NUDT16L1: variants seen among roughly 807,000 people sequenced by gnomAD.
The protein encoded by NUDT16L1 is nudix hydrolase 16 like 1.
Under a neutral mutation model 17.3 loss-of-function variants are expected in NUDT16L1, and 19 were observed. That is an observed-to-expected ratio of 1.10 (90% CI 0.77 to 1.61). NUDT16L1 has a LOEUF of 1.61. Among genes scored for constraint, NUDT16L1 ranks in the 40% most tolerant of loss-of-function variants. NUDT16L1 has a pLI of 0.00. For synonymous variants in NUDT16L1, 255 were observed against 138.6 expected (o/e 1.84, Z -5.90); for missense variants, 341 against 292.0 (o/e 1.17, Z -1.22).
chr16:4,694,020 T>C, exon 2 of NUDT16L1: 1 of 1,584,642 alleles, frequency 6.3e-7, no homozygotes. Context: ...CCCCGGGGGC[T>C]TCGTGGACCG....
At chr16:4,695,367 C>A in exon 3 of NUDT16L1, 1 of 627,034 alleles carries the variant, frequency 1.6e-6, no homozygotes, top group Non-Finnish European at 2.8e-6. Flanking sequence ...CCAGCCCATC[C>A]TCTCAGGCAG....
At chr16:4,693,998 G>A (rs747120586) in exon 2 of NUDT16L1, 2 of 1,581,286 alleles carry the variant, frequency 1.3e-6, no homozygotes, top group South Asian at 2.3e-5. Context: ...GTTTCGACGG[G>A]CTGCTGGGCT....
intron 2 of NUDT16L1, chr16:4,694,684 CGG>C (rs2079497475): frequency 2.0e-6 from 2 of 1,021,070 alleles, no homozygotes; most frequent in East Asian, 1.3e-4. Flanking sequence ...GTTGGGTGGA[CGG>C]GGGGAGCATG....
At chr16:4,695,176 T>C (rs2079516284) in exon 3 of NUDT16L1, 4 of 1,612,022 alleles carry the variant, frequency 2.5e-6, no homozygotes, top group Non-Finnish European at 2.5e-6. Flanking sequence ...CGGCCTCCTC[T>C]TGAGGGCTGC....
At chr16:4,693,827 C>T in exon 1 of NUDT16L1, 1 of 1,569,750 alleles carries the variant, frequency 6.4e-7, no homozygotes, top group Non-Finnish European at 8.6e-7. Flanking sequence ...ATGCTGTACG[C>T]CGCCAACCCT....
chr16:4,694,602 T>G (rs921698027), intron 2 of NUDT16L1: 44 of 1,430,194 alleles, frequency 3.1e-5, no homozygotes, highest in Non-Finnish European at 3.8e-5. Flanking sequence ...GGGAACCTCA[T>G]GTTGGGCGTG....
At chr16:4,695,638 T>G (rs954214923) in exon 3 of NUDT16L1, 1 of 416,152 alleles carries the variant, frequency 2.4e-6, no homozygotes. Flanking sequence ...CAGCTTGGGG[T>G]AGGAAGTTAA....
chr16:4,694,052 C>A (rs757134507), exon 2 of NUDT16L1: 2 of 1,585,544 alleles, frequency 1.3e-6, no homozygotes, highest in Admixed American at 3.4e-5. Context: ...CGCTGGAGGA[C>A]GGCCTGAACC....
exon 3 of NUDT16L1, chr16:4,695,140 G>A (rs367705497): frequency 6.2e-7 from 1 of 1,613,160 alleles, no homozygotes; most frequent in Admixed American, 1.7e-5. Context: ...CCGAGAAGCA[G>A]AAGAAGGCCC....
chr16:4,695,642 A>AAGTT (rs774577108), exon 3 of NUDT16L1: 21 of 416,150 alleles, frequency 5.0e-5, no homozygotes, highest in Non-Finnish European at 5.9e-5. Flanking sequence ...TTGGGGTAGG[A>AAGTT]AGTTAATAAT....
exon 3 of NUDT16L1, chr16:4,695,223 G>T: frequency 6.3e-7 from 1 of 1,583,518 alleles, no homozygotes. Context: ...CCGGAAGACT[G>T]GGAATTCCTG....
intron 2 of NUDT16L1, 134 bp from the exon 3 acceptor site, chr16:4,694,824 C>T (rs1047146354): frequency 2.7e-6 from 4 of 1,455,466 alleles, no homozygotes; most frequent in African/African-American, 1.4e-5. Context: ...CTGCCAGGCC[C>T]TGCGTGGGTC....
chr16:4,693,673 G>A (rs370133164), upstream of NUDT16L1: 4 of 1,378,056 alleles, frequency 2.9e-6, no homozygotes, highest in East Asian at 3.1e-5. Context: ...CACGGCGGGG[G>A]CGGGCTCGCG....
In NUDT16L1 at chr16:4,693,963, C is replaced by T. The variant is rs755620132; in HGVS notation, c.154-15C>T. The T allele has an allele frequency of 3.9e-6, 6 of 1,546,808 alleles. No homozygotes were observed. Among genetic ancestry groups the T allele is most frequent in the African/African-American group, 1.4e-5 (1 of 69,894 alleles). ...GTCCGTCGACCCCGCGGCTGTGACC[C>T]GCGCTCCCTTGCAGATGCAGATGCG... On this transcript the variant is annotated splice_polypyrimidine_tract_variant and intron_variant, in intron 1 of 2. Transcript: ENST00000304301.
chr16:4,695,252 G>T lies in NUDT16L1; in HGVS notation c.*73G>T. 3.4e-6 allele frequency: 5 copies of T among 1,466,460 alleles called. No individual in the cohort carries two copies. The South Asian group carries it at 5.9e-5, about 17-fold the overall frequency. 90.8% of individuals were successfully genotyped at this position (1,466,460 alleles called of 1,614,324 possible). A position where few individuals can be genotyped will look rare whatever the true frequency, so the allele number is the denominator to read the frequency against. ...ATTCCTGCTAAGTGTGGCTTCTAGA[G>T]TGTTTGTGTGTACCCCGCTTCTGAC... is the stretch of plus-strand genomic sequence containing the variant. On this transcript the variant is annotated 3_prime_UTR_variant, in exon 3 of 3. Transcript: ENST00000304301.
chr16:4,694,275 G>C (rs956550035), intron 2 of NUDT16L1, 37 bp downstream of exon 2: 8 of 1,464,708 alleles, frequency 5.5e-6, no homozygotes, highest in Non-Finnish European at 7.2e-6. Context: ...CCCGCCCCGG[G>C]GTTTGGCTCT....
At chr16:4,693,594 TC>T, upstream of NUDT16L1, 1 of 1,096,494 alleles carries the variant, frequency 9.1e-7, no homozygotes. Flanking sequence ...AGGGGCTCGG[TC>T]CCGGGGCGCG....
At chr16:4,694,887 C>A in intron 2 of NUDT16L1, 71 bp from the exon 3 acceptor site, 5 of 1,530,988 alleles carry the variant, frequency 3.3e-6, no homozygotes, top group Non-Finnish European at 4.4e-6. Context: ...CTCATAGCTT[C>A]CAGGCCCCTC....
chr16:4,694,652 G>C lies in NUDT16L1; in HGVS notation c.415-306G>C, dbSNP rs1045162698. ...TTGTACTTTGTGGTCTGGAAGGGCT[G>C]GACTGCGGGTGTTCAGGCTTCGTTG... On this transcript the variant is annotated intron_variant, in intron 2 of 2. Transcript: ENST00000304301. 1.7e-5 allele frequency: 24 copies of C among 1,421,498 alleles called. No homozygotes were observed. The East Asian group carries it at 6.2e-4, about 37-fold the overall frequency. The allele number at this position is 1,421,498 out of a possible 1,614,324, so 88.1% of individuals were successfully genotyped here. A position where few individuals can be genotyped will look rare whatever the true frequency, so the allele number is the denominator to read the frequency against.
Sources: gnomAD v4.1 joint callset for allele counts on GRCh38, gnomAD v4.1.1 for gene constraint, MANE v1.5 for transcripts, NCBI Gene and HGNC (gene_info 2026-07-23, HGNC 2026-07-21) for gene names.